ADAMTS3: variants seen among roughly 807,000 people sequenced by gnomAD.
ADAMTS3 encodes A disintegrin and metalloproteinase with thrombospondin motifs 3.
In ADAMTS3, 73 loss-of-function variants were observed where a neutral mutation model predicts 129.0. The ratio of observed to expected loss-of-function variants is 0.57; its 90% confidence interval spans 0.47 to 0.69. The LOEUF (loss-of-function observed/expected upper bound fraction) is 0.69. ADAMTS3 is among the 30% of genes least tolerant of loss of function. The pLI is 0.00. For missense variants in ADAMTS3, 1,457 were observed against 1,514.5 expected (o/e 0.96, Z 0.63); for synonymous variants, 477 against 510.8 (o/e 0.93, Z 0.89).
intron 3 of ADAMTS3, among the ~76,000 whole-genome samples, chr4:72,423,009 A>G (rs868809402): frequency 8.5e-5 from 13 of 152,194 alleles, no homozygotes; most frequent in Non-Finnish European, 1.5e-4. Flanking sequence ...ATCAAAAATT[A>G]CAATGTTTTC....
In ADAMTS3 at chr4:72,383,196, A is replaced by G. The variant is rs543708479; in HGVS notation, c.661+31619T>C. On this transcript the variant is annotated intron_variant, in intron 4 of 21. Coordinates refer to ENST00000286657, the MANE Select transcript of ADAMTS3 (RefSeq NM_014243.3). Reference sequence around the variant, plus strand: ...CAGTTCACTTCTGGGATGGTTAAGTACTTCCTCTCCAACCAATCCTCTTGT... The same window carrying G: ...CAGTTCACTTCTGGGATGGTTAAGTGCTTCCTCTCCAACCAATCCTCTTGT... 2.0e-5 allele frequency among the ~76,000 whole-genome samples: 3 copies of G among 152,016 alleles called. No homozygotes were observed. The South Asian group carries it at 6.2e-4, about 32-fold the overall frequency.
intron 2 of ADAMTS3, among the ~76,000 whole-genome samples, chr4:72,550,238 G>A (rs1721613180): frequency 6.6e-6 from 1 of 151,910 alleles, no homozygotes; most frequent in Non-Finnish European, 1.5e-5. Flanking sequence ...TCACAAAACT[G>A]CTCACCTATG....
rs78899193 is a variant in ADAMTS3, at chr4:72,332,730, C to T, written c.861+6764G>A. Reference sequence around the variant, plus strand: ...GATGGAAAATATTTGGTACATTGAACGAAAACAACCTACCATCTTAACCAT... The same window carrying T: ...GATGGAAAATATTTGGTACATTGAATGAAAACAACCTACCATCTTAACCAT... On this transcript the variant is annotated intron_variant, in intron 5 of 21. Transcript: ENST00000286657. Among the ~76,000 whole-genome samples the T allele has an allele frequency of 5.0e-3, 764 of 152,160 alleles. 6 individuals carry two copies. The highest frequency in any genetic ancestry group is 0.017 in the African/African-American group (699 of 41,526).
rs1159639937 is a variant in ADAMTS3 at position 72,504,531 on chromosome 4, T to A, written c.504+43947A>T. Among the ~76,000 whole-genome samples the A allele has an allele frequency of 2.0e-5, 3 of 152,276 alleles. No homozygotes were observed. In the East Asian group the frequency reaches 5.8e-4, roughly 29 times the overall value. ...TTAGCACTGGATTTGGACAGTCTGG[T>A]GACCATATGCCTTAGGGATGTTAGT... is the stretch of plus-strand genomic sequence containing the variant. On this transcript the variant is annotated intron_variant, in intron 3 of 21. Coordinates refer to ENST00000286657, the MANE Select transcript of ADAMTS3 (RefSeq NM_014243.3).
chr4:72,354,201 A>T (rs1720516865), intron 4 of ADAMTS3, among the ~76,000 whole-genome samples: 1 of 151,962 alleles, frequency 6.6e-6, no homozygotes, highest in South Asian at 2.1e-4. Flanking sequence ...TCCTAGAAGC[A>T]CATTTATCTT....
At chr4:72,354,414 C>T (rs1304392129) in intron 4 of ADAMTS3, among the ~76,000 whole-genome samples, 1 of 151,902 alleles carries the variant, frequency 6.6e-6, no homozygotes, top group Non-Finnish European at 1.5e-5. Context: ...TGAATTATCA[C>T]ACATTTTCTT....
chr4:72,307,232 G>A (rs1049111416), intron 15 of ADAMTS3, among the ~76,000 whole-genome samples: 3 of 151,982 alleles, frequency 2.0e-5, no homozygotes, highest in African/African-American at 7.2e-5. Flanking sequence ...ACTAAATAAA[G>A]TGGTCCTTTT....
intron 3 of ADAMTS3, among the ~76,000 whole-genome samples, chr4:72,456,278 T>TA (rs1270705426): frequency 6.8e-6 from 1 of 146,652 alleles, no homozygotes; most frequent in South Asian, 2.1e-4. Flanking sequence ...ACTATATATA[T>TA]TTTATATATA....
intron 4 of ADAMTS3, among the ~76,000 whole-genome samples, chr4:72,352,854 G>C (rs570627976): frequency 6.6e-6 from 1 of 152,136 alleles, no homozygotes; most frequent in South Asian, 2.1e-4. Flanking sequence ...GAACTTCAAA[G>C]AGGATGGAGC....
At chr4:72,557,484 C>T (rs958227971) in intron 2 of ADAMTS3, among the ~76,000 whole-genome samples, 3 of 151,798 alleles carry the variant, frequency 2.0e-5, no homozygotes, top group African/African-American at 7.3e-5. Flanking sequence ...AGTCCGACAC[C>T]CTCTTTGGTG....
At chr4:72,447,767 C>G (rs1330790614) in intron 3 of ADAMTS3, among the ~76,000 whole-genome samples, 1 of 151,634 alleles carries the variant, frequency 6.6e-6, no homozygotes, top group Admixed American at 6.6e-5. Context: ...AAACCGGTGA[C>G]CCAAATGCAG....
rs1449847493 is a variant in ADAMTS3, at chr4:72,414,631, A to G, written c.661+184T>C. The stretch of plus-strand genomic sequence containing the variant: ...TAACACACTGGAATAAATATCTGTA[A>G]CATATACTCTATGCATTTTTTAAAA... On this transcript the variant is annotated intron_variant, in intron 4 of 21. Coordinates refer to ENST00000286657, the MANE Select transcript of ADAMTS3 (RefSeq NM_014243.3). Among the ~76,000 whole-genome samples the G allele has an allele frequency of 2.0e-5, 3 of 152,016 alleles. No homozygotes were observed. In the East Asian group the frequency reaches 5.8e-4, roughly 29 times the overall value.
intron 4 of ADAMTS3, among the ~76,000 whole-genome samples, chr4:72,351,939 G>A (rs556223062): frequency 7.9e-5 from 12 of 151,930 alleles, no homozygotes; most frequent in African/African-American, 2.2e-4. Flanking sequence ...ATAAATTAGC[G>A]TTCATTGTTG....
intron 3 of ADAMTS3, among the ~76,000 whole-genome samples, chr4:72,491,525 C>T (rs1719744013): frequency 6.6e-6 from 1 of 151,660 alleles, no homozygotes; most frequent in South Asian, 2.1e-4. Context: ...TGAACTTTGT[C>T]AATTGCTTGT....
intron 21 of ADAMTS3, 58 bp from the exon 22 acceptor site, chr4:72,283,762 G>A: frequency 7.1e-6 from 10 of 1,399,830 alleles, no homozygotes; most frequent in East Asian, 2.5e-5. Flanking sequence ...AATAAAAGGA[G>A]GAAAAAAATT....
chr4:72,478,398 C>A (rs1194934659), intron 3 of ADAMTS3, among the ~76,000 whole-genome samples: 1 of 149,096 alleles, frequency 6.7e-6, no homozygotes, highest in Non-Finnish European at 1.5e-5. Context: ...ATATGCAAAT[C>A]AATAAATGTA....
At chr4:72,448,865 AT>A (rs1395491412) in intron 3 of ADAMTS3, among the ~76,000 whole-genome samples, 2 of 151,706 alleles carry the variant, frequency 1.3e-5, no homozygotes, top group African/African-American at 4.8e-5. Context: ...CATTTATGGC[AT>A]TTTAACTCTT....
chr4:72,336,378 C>G (rs1719988820), intron 5 of ADAMTS3, among the ~76,000 whole-genome samples: 1 of 152,142 alleles, frequency 6.6e-6, no homozygotes, highest in Non-Finnish European at 1.5e-5. Context: ...AAAGCATGGC[C>G]AGCAAAGGAG....
At chr4:72,309,542 T>C (rs962490711) in intron 14 of ADAMTS3, 22 bp from the exon 15 acceptor site, 7 of 1,609,824 alleles carry the variant, frequency 4.3e-6, no homozygotes, top group Non-Finnish European at 5.9e-6. Flanking sequence ...AGATGTCAAA[T>C]GTGGCTAATT....
Sources: allele counts gnomAD v4.1 joint callset (sites outside exome capture counted in the v4.1 genomes callset), GRCh38; gene constraint gnomAD v4.1.1; transcripts MANE v1.5; gene names NCBI Gene and HGNC (gene_info 2026-07-23, HGNC 2026-07-21).